Variants in IBTK observed in about 807,000 individuals in gnomAD.
IBTK encodes the protein inhibitor of Bruton tyrosine kinase, also known as BTK-binding protein.
In IBTK, 83 loss-of-function variants were observed where a neutral mutation model predicts 154.9. That is an observed-to-expected ratio of 0.54 (90% confidence interval 0.45 to 0.64). The LOEUF is 0.64. IBTK is among the 30% of genes least tolerant of loss of function. The probability of loss-of-function intolerance (pLI) is 0.00; values close to 1 mark genes in which losing one functional copy is unlikely to be tolerated. For synonymous variants in IBTK, 515 were observed against 536.1 expected, an observed-to-expected ratio of 0.96 and a Z score of 0.54; for missense variants, 1,332 against 1,584.6, an observed-to-expected ratio of 0.84 and a Z score of 2.71.
At chr6:82,235,042 G>A (rs1770664074) in intron 2 of IBTK, among the ~76,000 whole-genome samples, 1 of 151,836 alleles carries the variant, frequency 6.6e-6, no homozygotes, top group African/African-American at 2.4e-5. Context: ...TGTATTTTTA[G>A]TAGAGATGGG....
intron 16 of IBTK, chr6:82,205,647 T>A (rs975535084): frequency 2.6e-5 from 4 of 152,326 alleles, no homozygotes; most frequent in Non-Finnish European, 5.9e-5. Flanking sequence ...ATGCCTGTAG[T>A]CCCAGTTACC....
intron 25 of IBTK, among the ~76,000 whole-genome samples, chr6:82,183,359 G>A (rs1449479071): frequency 3.9e-5 from 6 of 151,952 alleles, no homozygotes; most frequent in East Asian, 1.9e-4. Context: ...GCAGTGAGCC[G>A]AGACAGGGCC....
intron 1 of IBTK, among the ~76,000 whole-genome samples, chr6:82,247,350 G>A (rs1771191438): frequency 6.6e-6 from 1 of 152,222 alleles, no homozygotes; most frequent in South Asian, 2.1e-4. Flanking sequence ...CATTAGCTGA[G>A]GGGGGCGGTA....
At position 82,170,370 on chromosome 6, in the gene IBTK, T is replaced by C. The variant is rs1261768463; in HGVS notation, c.*1055A>G. 6.6e-6 allele frequency: 1 copy of C among 152,534 alleles called. No homozygotes were observed. Among genetic ancestry groups the C allele is most frequent in the Non-Finnish European group, 1.5e-5 (1 of 68,046 alleles). 9.4% of individuals were successfully genotyped at this position (152,534 alleles called of 1,614,324 possible). ...CTAAATTATAGCAGTGAATTGCTTA[T>C]GTGTCTCCCAGGCTTACCTTCCAGA... On this transcript the variant is annotated 3_prime_UTR_variant, in exon 29 of 29. Coordinates refer to ENST00000306270, the MANE Select transcript of IBTK (RefSeq NM_015525.4).
rs778857190 is a variant in IBTK at position 82,214,710 on chromosome 6, A to G, written c.1721T>C (p.Leu574Pro). ...HDVTFQVGNR[L>P]FPAHKYILAV... is the part of the protein sequence containing the mutation. ...CAAAATATATTTATGTGCAGGGAAG[A>G]GTCTATTGCCAACTTGAAATGTCAC... Residue 574 changes from leucine to proline, a missense_variant, in exon 12 of 29, where the codon CTC (leucine) becomes CCC (proline). By Grantham distance (98) the Leu-to-Pro change is moderately conservative. Coordinates refer to ENST00000306270, the MANE Select transcript of IBTK (RefSeq NM_015525.4). The G allele has an allele frequency of 6.2e-7, 1 of 1,614,124 alleles. No individual in the cohort carries two copies. Among genetic ancestry groups the G allele is most frequent in the African/African-American group, 1.3e-5 (1 of 75,058 alleles).
chr6:82,217,877 C>G, intron 10 of IBTK, 83 bp downstream of exon 10: 1 of 890,582 alleles, frequency 1.1e-6, no homozygotes, highest in South Asian at 2.2e-5. Flanking sequence ...AACCTAATAA[C>G]ACTTGTCAGT....
chr6:82,233,671 T>C (rs1300380554), intron 3 of IBTK, among the ~76,000 whole-genome samples: 1 of 151,890 alleles, frequency 6.6e-6, no homozygotes, highest in African/African-American at 2.4e-5. Context: ...CATTAAAATT[T>C]TCTAAGCTAA....
At chr6:82,224,010 G>T in intron 7 of IBTK, 58 bp downstream of exon 7, 2 of 945,594 alleles carry the variant, frequency 2.1e-6, no homozygotes, top group South Asian at 1.5e-5. Context: ...AAAAAGAAAA[G>T]ATAATTTTTT....
chr6:82,196,196 G>A (rs1768979552), intron 22 of IBTK, 102 bp downstream of exon 22: 3 of 946,594 alleles, frequency 3.2e-6, no homozygotes, highest in African/African-American at 1.7e-5. Flanking sequence ...TACCAACCTG[G>A]AAACTGTTTT....
At chr6:82,247,416 C>A in intron 1 of IBTK, 146 bp downstream of exon 1, 1 of 395,448 alleles carries the variant, frequency 2.5e-6, no homozygotes, top group South Asian at 1.4e-4. Flanking sequence ...CCGGCAGCCT[C>A]GGGGCCACAG....
At chr6:82,190,736 A>AAAAT (rs142956359) in intron 25 of IBTK, among the ~76,000 whole-genome samples, 36,390 of 151,660 alleles carry the variant, frequency 0.24, 4,397 homozygotes, top group African/African-American at 0.28. Context: ...ATAAAAAATA[A>AAAAT]AAATAAATTT....
chr6:82,204,818 C>T (rs1213195823), intron 17 of IBTK, 39 bp downstream of exon 17: 1 of 1,229,666 alleles, frequency 8.1e-7, no homozygotes, highest in Non-Finnish European at 1.2e-6. Context: ...CCTTGATGAA[C>T]CTGAAAACAT....
chr6:82,203,510 A>T (rs777417765), intron 17 of IBTK, among the ~76,000 whole-genome samples: 51 of 152,174 alleles, frequency 3.4e-4, no homozygotes, highest in Non-Finnish European at 6.2e-4. Flanking sequence ...TGACTAATCT[A>T]CATTTTCAAC....
At chr6:82,172,777 A>AGATTACAG (rs1244263798) in intron 27 of IBTK, 9 of 340,110 alleles carry the variant, frequency 2.6e-5, no homozygotes, top group Non-Finnish European at 4.8e-5. Context: ...GCTTTCGCAG[A>AGATTACAG]GATTACAGAA....
At position 82,212,727 on chromosome 6, in the gene IBTK, C is replaced by T. The variant is rs1262855462; in HGVS notation, c.2271G>A (p.Leu757=). 1 of 1,594,462 alleles carries T rather than the reference C, an allele frequency of 6.3e-7. No individual in the cohort carries two copies. Among genetic ancestry groups the T allele is most frequent in the Admixed American group, 1.7e-5 (1 of 59,956 alleles). Residue 757 remains leucine (L), a synonymous_variant, in exon 13 of 29, where the codon CTG becomes CTA. Transcript: ENST00000306270. ...NVIAKNTGNK[L]KLSQKKCSFL... is the part of the protein sequence containing the mutation. ...CTTACCATTTTTTCTGACTTAGCTTCAGTTTATTACCAGTGTTCTTGGCAA... is the reference window on the plus strand; with the variant it reads ...CTTACCATTTTTTCTGACTTAGCTTTAGTTTATTACCAGTGTTCTTGGCAA...
chr6:82,197,373 AT>A (rs11422131), intron 21 of IBTK, among the ~76,000 whole-genome samples: 46 of 138,364 alleles, frequency 3.3e-4, no homozygotes, highest in Admixed American at 6.7e-4. Context: ...ATCTTTTTGA[AT>A]TTTTTTTTTT....
intron 1 of IBTK, among the ~76,000 whole-genome samples, chr6:82,241,576 C>G (rs1256416421): frequency 1.3e-5 from 2 of 151,136 alleles, no homozygotes; most frequent in Admixed American, 6.6e-5. Flanking sequence ...GGTTCAAAGG[C>G]AAACAAAAAA....
rs532690072 is a variant in IBTK, at chr6:82,208,397, C to G, written c.2509+2417G>C. ...AAACATACAGGGTAATCATCATGAC[C>G]TTGGATTTGACAACGAATTCCTAGA... On this transcript the variant is annotated intron_variant, in intron 16 of 28. Coordinates refer to ENST00000306270, the MANE Select transcript of IBTK (RefSeq NM_015525.4). Among the ~76,000 whole-genome samples the G allele has an allele frequency of 4.6e-5, 7 of 152,110 alleles. No homozygotes were observed. The East Asian group carries it at 1.4e-3, about 29-fold the overall frequency.
chr6:82,237,661 GGTAGTAGTAGTAGTA>G (rs34696525), intron 2 of IBTK, among the ~76,000 whole-genome samples: 4 of 143,674 alleles, frequency 2.8e-5, no homozygotes, highest in Non-Finnish European at 6.1e-5. Context: ...AGATAGTAGT[GGTAGTAGTAGTAGTA>G]GTAGTAGTAG....
Sources: gnomAD v4.1 joint callset for allele counts (sites outside exome capture counted in the v4.1 genomes callset) on GRCh38, gnomAD v4.1.1 for gene constraint, MANE v1.5 for transcripts, NCBI Gene and HGNC (gene_info 2026-07-23, HGNC 2026-07-21) for gene names.